TNIK: variants seen among roughly 807,000 people sequenced by gnomAD.
The protein encoded by TNIK is TRAF2 and NCK interacting kinase.
Under a neutral mutation model 191.3 loss-of-function variants are expected in TNIK, and 49 were observed. The observed-to-expected ratio is 0.26, with a 90% CI of 0.20 to 0.32. TNIK has a LOEUF of 0.32. Ranked by LOEUF, TNIK falls within the 10% of genes least tolerant of loss-of-function variation. TNIK has a pLI of 1.00. For synonymous variants in TNIK, 594 were observed against 600.9 expected, an observed-to-expected ratio of 0.99 and a Z score of 0.17; for missense variants, 1,155 against 1,702.3, an observed-to-expected ratio of 0.68 and a Z score of 5.66.
intron 2 of TNIK, among the ~76,000 whole-genome samples, chr3:171,278,095 C>G (rs1749979849): frequency 6.6e-6 from 1 of 152,170 alleles, no homozygotes; most frequent in Non-Finnish European, 1.5e-5. Flanking sequence ...TATAGCTCAC[C>G]CGATGGGGAC....
At chr3:171,389,738 G>A (rs921019411) in intron 1 of TNIK, among the ~76,000 whole-genome samples, 1 of 152,252 alleles carries the variant, frequency 6.6e-6, no homozygotes, top group South Asian at 2.1e-4. Context: ...GCCCACAGGG[G>A]TACTCCTACC....
At position 171,175,275 on chromosome 3, in the gene TNIK, C is replaced by T. The variant is rs111810473; in HGVS notation, c.750G>A (p.Ala250=). ...RALFLIPRNP[A]PRLKSKKWSK... is the part of the protein sequence containing the mutation. The stretch of plus-strand genomic sequence containing the variant: ...ACCACTTCTTAGACTTCAGCCGAGG[C>T]GCTGGGTTCCGGGGGATGAGGAAGA... The change falls in exon 9 of 33, where the codon GCG becomes GCA. Residue 250 remains alanine, a synonymous_variant. Transcript: ENST00000436636. 2.7e-4 allele frequency: 431 copies of T among 1,612,788 alleles called. No homozygotes were observed. In the African/African-American group the frequency reaches 4.0e-3, roughly 15 times the overall value.
Position 171,110,838 on chromosome 3 carries a change from G to T in TNIK, c.2160C>A (p.Ser720Arg). The T allele has an allele frequency of 3.7e-6, 6 of 1,605,162 alleles. No individual in the cohort carries two copies. Among genetic ancestry groups the T allele is most frequent in the Non-Finnish European group, 4.3e-6 (5 of 1,176,452 alleles). The change falls in exon 19 of 33, where the codon AGC becomes AGA. Residue 720 changes from serine (S) to arginine (R), a missense_variant. This residue lies in a region of TNIK where 735 missense variants were observed against 848.0 expected (regional missense o/e 0.87). Transcript: ENST00000436636. The part of the protein sequence containing the change: ...DLRRTEPILE[S>R]PLQRTSSGSS... ...TGCCACTGCTGGTCCTCTGCAAGGGGCTCTCCAAGATGGGCTCAGTTCTCC... is the reference window on the plus strand; with the variant it reads ...TGCCACTGCTGGTCCTCTGCAAGGGTCTCTCCAAGATGGGCTCAGTTCTCC...
chr3:171,212,457 C>T (rs376111993), intron 3 of TNIK, among the ~76,000 whole-genome samples: 4 of 152,286 alleles, frequency 2.6e-5, no homozygotes, highest in African/African-American at 9.6e-5. Flanking sequence ...CATTACTCGA[C>T]TCTCTTCTCC....
At chr3:171,188,915 G>T in intron 6 of TNIK, 83 bp from the exon 7 acceptor site, 1 of 1,503,660 alleles carries the variant, frequency 6.7e-7, no homozygotes, top group South Asian at 1.2e-5. Flanking sequence ...ATTTTATTGT[G>T]GTAAAACATA....
At chr3:171,455,406 C>CT (rs761736063) in intron 1 of TNIK, among the ~76,000 whole-genome samples, 388 of 137,484 alleles carry the variant, frequency 2.8e-3, no homozygotes, top group South Asian at 9.4e-3. Flanking sequence ...ACCACACTGA[C>CT]TTTTTTTTTT....
Position 171,085,176 on chromosome 3 carries a change from T to G in TNIK, c.2940A>C (p.Arg980Ser), listed in dbSNP as rs1721185530. 4 of 1,612,170 alleles carry G rather than the reference T, an allele frequency of 2.5e-6. No homozygotes were observed. In the Admixed American group the frequency reaches 5.0e-5, roughly 20 times the overall value. Residue 980 changes from arginine to serine, a missense_variant, in exon 25 of 33, where the codon AGA becomes AGC. By Grantham distance (110) the Arg-to-Ser change is moderately radical. This residue lies in a region of TNIK where 735 missense variants were observed against 848.0 expected (regional missense o/e 0.87). Coordinates refer to ENST00000436636, the MANE Select transcript of TNIK (RefSeq NM_015028.4). ...CATCAGTGGGAGACGTCTGGTATAC[T>G]CTGGGGTCCACAAAGGGGGTGAAGG... Reference protein sequence around the residue: ...KASFTPFVDPRVYQTSPTDED... With the variant: ...KASFTPFVDPSVYQTSPTDED...
intron 2 of TNIK, among the ~76,000 whole-genome samples, chr3:171,336,866 C>T (rs1240356004): frequency 2.0e-5 from 3 of 152,144 alleles, no homozygotes; most frequent in Non-Finnish European, 4.4e-5. Context: ...TAAAGTAAGA[C>T]CTCAACTTTC....
Position 171,197,820 on chromosome 3 carries a change from G to C in TNIK, c.307-3185C>G, listed in dbSNP as rs534284486. Among the ~76,000 whole-genome samples, 175 of 152,328 alleles carry C rather than the reference G, an allele frequency of 1.1e-3. 1 individual carries two copies. Among genetic ancestry groups the C allele is most frequent in the African/African-American group, 4.0e-3 (168 of 41,586 alleles). On this transcript the variant is annotated intron_variant, in intron 4 of 32. Transcript: ENST00000436636. ...ACCTCTATACATTGCTAATGGTAATGTAAAATGGTATAGTTACTGCGGTGA... is the reference window on the plus strand; with the variant it reads ...ACCTCTATACATTGCTAATGGTAATCTAAAATGGTATAGTTACTGCGGTGA...
Position 171,082,273 on chromosome 3 carries a change from C to T in TNIK, c.3291G>A (p.Leu1097=). The T allele has an allele frequency of 6.2e-7, 1 of 1,613,470 alleles. No individual in the cohort carries two copies. Among genetic ancestry groups the T allele is most frequent in the Non-Finnish European group, 8.5e-7 (1 of 1,179,696 alleles). ...TACCTGAAATTGTCACAAGGACATT[C>T]AGTCCCTCTAGCACATCCATCTGCT... ...RFQQMDVLEG[L]NVLVTISGKK... The change falls in exon 27 of 33, where the codon CTG becomes CTA. Residue 1097 remains leucine, a synonymous_variant. Coordinates refer to ENST00000436636, the MANE Select transcript of TNIK (RefSeq NM_015028.4).
chr3:171,314,165 T>C (rs1754346042), intron 2 of TNIK, among the ~76,000 whole-genome samples: 1 of 152,192 alleles, frequency 6.6e-6, no homozygotes, highest in African/African-American at 2.4e-5. Flanking sequence ...ATGCTTTCTG[T>C]TGCTGGAGTC....
intron 2 of TNIK, among the ~76,000 whole-genome samples, chr3:171,317,964 G>A (rs1023229821): frequency 3.3e-5 from 5 of 152,138 alleles, no homozygotes; most frequent in African/African-American, 1.2e-4. Flanking sequence ...GAAAGGAAAC[G>A]TGTGTGCTTA....
intron 12 of TNIK, among the ~76,000 whole-genome samples, chr3:171,147,843 G>A (rs1731848347): frequency 6.6e-6 from 1 of 152,142 alleles, no homozygotes; most frequent in African/African-American, 2.4e-5. Flanking sequence ...TATATTCCAT[G>A]CCTGACTCTT....
chr3:171,128,834 C>A lies in TNIK; in HGVS notation c.1653G>T (p.Met551Ile). Residue 551 changes from methionine (M) to isoleucine (I), a missense_variant, in exon 16 of 33, where the codon ATG (methionine) becomes ATT (isoleucine). By Grantham distance (10) the Met-to-Ile change is conservative. This residue lies in a region of TNIK where 735 missense variants were observed against 848.0 expected (regional missense o/e 0.87). Coordinates refer to ENST00000436636, the MANE Select transcript of TNIK (RefSeq NM_015028.4). ...SRLNRQSSPA[M>I]PHKVANRISD... is the part of the protein sequence containing the mutation. ...ATATCCTGTTGGCAACCTTGTGAGG[C>A]ATGGCAGGGGAACTTTGCCGGTTGA... 1 of 1,577,930 alleles carries A rather than the reference C, an allele frequency of 6.3e-7. No homozygotes were observed. Among genetic ancestry groups the A allele is most frequent in the Non-Finnish European group, 8.6e-7 (1 of 1,165,448 alleles).
intron 2 of TNIK, among the ~76,000 whole-genome samples, chr3:171,263,080 A>T (rs4894459): frequency 0.56 from 84,450 of 152,092 alleles, 24,163 homozygotes; most frequent in African/African-American, 0.68. Flanking sequence ...TTCCAACTGA[A>T]AACTGCTGTC....
intron 2 of TNIK, 61 bp from the exon 3 acceptor site, chr3:171,228,282 CCAA>C: frequency 6.3e-7 from 1 of 1,599,640 alleles, no homozygotes; most frequent in Non-Finnish European, 8.6e-7. Flanking sequence ...GCATTCAATT[CCAA>C]CAATAAAGAA....
chr3:171,250,638 G>A (rs1052980466), intron 2 of TNIK, among the ~76,000 whole-genome samples: 6 of 152,190 alleles, frequency 3.9e-5, no homozygotes, highest in African/African-American at 1.4e-4. Flanking sequence ...CCTGTGGTCA[G>A]ATACCTTCAG....
At chr3:171,376,033 G>A (rs566583049) in intron 1 of TNIK, among the ~76,000 whole-genome samples, 63 of 152,228 alleles carry the variant, frequency 4.1e-4, no homozygotes, top group African/African-American at 1.4e-3. Context: ...TCTGCCAAAC[G>A]ACTGTGCTTA....
At chr3:171,431,678 T>C (rs1037537463) in intron 1 of TNIK, among the ~76,000 whole-genome samples, 2 of 152,222 alleles carry the variant, frequency 1.3e-5, no homozygotes, top group African/African-American at 4.8e-5. Flanking sequence ...TCAGTTTGTT[T>C]AATCCACACA....
Sources: allele counts gnomAD v4.1 joint callset (sites outside exome capture counted in the v4.1 genomes callset), GRCh38; gene constraint gnomAD v4.1.1; regional missense constraint gnomAD v4.1.1; transcripts MANE v1.5; gene names NCBI Gene and HGNC (gene_info 2026-07-23, HGNC 2026-07-21).